KCNK16: variants seen among roughly 807,000 people sequenced by gnomAD.
KCNK16 encodes the protein potassium channel subfamily K member 16.
Under a neutral mutation model 23.0 loss-of-function variants are expected in KCNK16, and 23 were observed. That is an observed-to-expected ratio of 1.00 (90% CI 0.72 to 1.41). The LOEUF (loss-of-function observed/expected upper bound fraction) is 1.41, where lower values mean the gene tolerates loss of function less well. KCNK16 is among the 40% of genes most tolerant of loss of function. The pLI, the probability that KCNK16 is intolerant of heterozygous loss-of-function variation, is 0.00. For missense variants in KCNK16, 327 were observed against 365.8 expected, an observed-to-expected ratio of 0.89 and a Z score of 0.87; for synonymous variants, 145 against 153.5, an observed-to-expected ratio of 0.94 and a Z score of 0.41.
Position 39,317,883 on chromosome 6 carries a change from A to T in KCNK16, c.398T>A (p.Ile133Asn), listed in dbSNP as rs770475707. ...VFCVFYALLG[I>N]PLNVIFLNHL... is the part of the protein sequence containing the mutation. ...GTTGAGGAAGATCACGTTAAGCGGG[A>T]TGCCCAACAGGGCATAGAAGACACA... The change falls in exon 3 of 5, where the codon ATC becomes AAC. Residue 133 changes from isoleucine (I) to asparagine (N), a missense_variant. Ile to Asn is a moderately radical substitution (Grantham distance 149). Coordinates refer to ENST00000437525, the MANE Select transcript of KCNK16 (RefSeq NM_001135106.2). 6.2e-7 allele frequency: 1 copy of T among 1,613,876 alleles called. No homozygotes were observed. The highest frequency in any genetic ancestry group is 8.5e-7 in the Non-Finnish European group (1 of 1,179,908).
At chr6:39,316,619 T>C (rs1291343455) in intron 4 of KCNK16, among the ~76,000 whole-genome samples, 163 bp downstream of exon 4, 1 of 152,204 alleles carries the variant, frequency 6.6e-6, no homozygotes, top group Non-Finnish European at 1.5e-5. Context: ...CTTCTGAGAA[T>C]GTTGCTTAGA....
chr6:39,321,229 G>A (rs1224463805), intron 1 of KCNK16, among the ~76,000 whole-genome samples: 1 of 152,032 alleles, frequency 6.6e-6, no homozygotes, highest in Non-Finnish European at 1.5e-5. Flanking sequence ...TTCTGGTCCC[G>A]GGACTACACT....
At chr6:39,320,254 G>A (rs1762466736) in intron 1 of KCNK16, among the ~76,000 whole-genome samples, 2 of 152,246 alleles carry the variant, frequency 1.3e-5, no homozygotes, top group African/African-American at 4.8e-5. Flanking sequence ...CTCTTAAGAT[G>A]TGGACTTTGG....
In KCNK16 at chr6:39,322,478, A is replaced by G; in HGVS notation, c.63T>C (p.Tyr21=). 1.2e-6 allele frequency: 2 copies of G among 1,613,748 alleles called. No homozygotes were observed. The highest frequency in any genetic ancestry group is 1.7e-6 in the Non-Finnish European group (2 of 1,179,978). Residue 21 remains tyrosine, a synonymous_variant, in exon 1 of 5, where the codon TAT becomes TAC. Transcript: ENST00000437525. The part of the protein sequence containing the change: ...GGRVLPLLLA[Y]VCYLLLGATI... ...TGGCACCGAGCAGCAGGTAGCAGACATAGGCCAGCAGCAGGGGCAGCACCC... is the reference window on the plus strand; with the variant it reads ...TGGCACCGAGCAGCAGGTAGCAGACGTAGGCCAGCAGCAGGGGCAGCACCC...
rs1762548997 is a variant in KCNK16, at chr6:39,322,449, A to G, written c.92T>C (p.Ile31Thr). The G allele has an allele frequency of 6.2e-7, 1 of 1,614,150 alleles. No individual in the cohort carries two copies. Among genetic ancestry groups the G allele is most frequent in the African/African-American group, 1.3e-5 (1 of 75,078 alleles). ...YVCYLLLGAT[I>T]FQLLERQAEA... is the part of the protein sequence containing the mutation. ...CGCCTGCCTCTCTAGCAGCTGGAAG[A>G]TAGTGGCACCGAGCAGCAGGTAGCA... is the stretch of plus-strand genomic sequence containing the variant. Residue 31 changes from isoleucine to threonine, a missense_variant, in exon 1 of 5, where the codon ATC becomes ACC. Physicochemically the swap from Ile to Thr is moderately conservative, Grantham distance 89. Coordinates refer to ENST00000437525, the MANE Select transcript of KCNK16 (RefSeq NM_001135106.2).
intron 1 of KCNK16, among the ~76,000 whole-genome samples, chr6:39,321,239 T>C (rs1583790826): frequency 6.6e-6 from 1 of 152,174 alleles, no homozygotes; most frequent in East Asian, 1.9e-4. Context: ...GGGACTACAC[T>C]TTGAGAACTG....
At chr6:39,315,147 G>C (rs1448893379), downstream of KCNK16, 1 of 1,614,240 alleles carries the variant, frequency 6.2e-7, no homozygotes, top group Admixed American at 1.7e-5. Context: ...GAGGAACCCA[G>C]CCACATAGGA....
intron 1 of KCNK16, among the ~76,000 whole-genome samples, chr6:39,322,033 T>G (rs777517381): frequency 6.6e-6 from 1 of 152,240 alleles, no homozygotes; most frequent in Non-Finnish European, 1.5e-5. Context: ...TAGAGAGTGC[T>G]TTTAATCTGC....
downstream of KCNK16, among the ~76,000 whole-genome samples, chr6:39,315,747 C>T (rs1562087524): frequency 6.6e-6 from 1 of 152,174 alleles, no homozygotes; most frequent in South Asian, 2.1e-4. Flanking sequence ...CTTTGCTTGC[C>T]TAGCAACTAA....
At chr6:39,315,317 C>T, downstream of KCNK16, 1 of 1,554,006 alleles carries the variant, frequency 6.4e-7, no homozygotes. Context: ...GTTCATGGAG[C>T]TCACTTTCTG....
intron 3 of KCNK16, among the ~76,000 whole-genome samples, chr6:39,317,272 C>G (rs1269331061): frequency 6.6e-6 from 1 of 152,190 alleles, no homozygotes; most frequent in Non-Finnish European, 1.5e-5. Context: ...GTATTTCTGG[C>G]CTTGCAAGTG....
In KCNK16 at chr6:39,317,997, G is replaced by T. The variant is rs373601894; in HGVS notation, c.329-45C>A. 53 of 1,529,300 alleles carry T rather than the reference G, an allele frequency of 3.5e-5. No homozygotes were observed. In the South Asian group the frequency reaches 6.1e-4, roughly 18 times the overall value. The allele number at this position is 1,529,300 out of a possible 1,614,324, so 94.7% of individuals were successfully genotyped here. On this transcript the variant is annotated intron_variant, in intron 2 of 4. Transcript: ENST00000437525. ...TGTGCAAATATGGAGACTCTAGAAC[G>T]CCCTCTGCTCCTCTTCCCCAGACTC...
At chr6:39,315,283 A>G (rs1169672475), downstream of KCNK16, 5 of 1,575,474 alleles carry the variant, frequency 3.2e-6, no homozygotes, top group Middle Eastern at 1.7e-4. Context: ...GACCTGGAGA[A>G]TGCATTCCTG....
chr6:39,320,017 T>C (rs1359508286), intron 1 of KCNK16, among the ~76,000 whole-genome samples: 1 of 152,078 alleles, frequency 6.6e-6, no homozygotes, highest in Non-Finnish European at 1.5e-5. Context: ...TCCTCTTTAA[T>C]TGTGGACTGT....
At chr6:39,317,237 A>G (rs111683384) in intron 3 of KCNK16, among the ~76,000 whole-genome samples, 1 of 152,242 alleles carries the variant, frequency 6.6e-6, no homozygotes, top group Non-Finnish European at 1.5e-5. Flanking sequence ...GATCTGGAAC[A>G]GAAAAGTATC....
chr6:39,322,744 A>G, upstream of KCNK16: 1 of 728,968 alleles, frequency 1.4e-6, no homozygotes, highest in African/African-American at 1.8e-5. Flanking sequence ...GTGAGTGCAA[A>G]CAGGCCGGCC....
rs2113859320 is a variant in KCNK16, at chr6:39,322,482, G to A, written c.59C>T (p.Ala20Val). ...ACCGAGCAGCAGGTAGCAGACATAGGCCAGCAGCAGGGGCAGCACCCGGCC... is the reference window on the plus strand; with the variant it reads ...ACCGAGCAGCAGGTAGCAGACATAGACCAGCAGCAGGGGCAGCACCCGGCC... ...WGGRVLPLLL[A>V]YVCYLLLGAT... Residue 20 changes from alanine to valine, a missense_variant, in exon 1 of 5, where the codon GCC (alanine) becomes GTC (valine). Transcript: ENST00000437525. 6.2e-7 allele frequency: 1 copy of A among 1,613,434 alleles called. No individual in the cohort carries two copies. Among genetic ancestry groups the A allele is most frequent in the East Asian group, 2.2e-5 (1 of 44,880 alleles).
Position 39,317,894 on chromosome 6 carries a change from G to A in KCNK16, c.387C>T (p.Ala129=), listed in dbSNP as rs762162023. Residue 129 remains alanine (A), a synonymous_variant, in exon 3 of 5, where the codon GCC becomes GCT. Transcript: ENST00000437525. The stretch of plus-strand genomic sequence containing the variant: ...TCACGTTAAGCGGGATGCCCAACAG[G>A]GCATAGAAGACACAGAAGACCTGAC... ...EAGQVFCVFY[A]LLGIPLNVIF... 6.2e-7 allele frequency: 1 copy of A among 1,613,668 alleles called. No individual in the cohort carries two copies. Among genetic ancestry groups the A allele is most frequent in the Non-Finnish European group, 8.5e-7 (1 of 1,179,804 alleles).
At chr6:39,316,704 C>T in intron 4 of KCNK16, 78 bp downstream of exon 4, 1 of 1,506,924 alleles carries the variant, frequency 6.6e-7, no homozygotes. Flanking sequence ...CAATAGTTGT[C>T]CTCAGCTGAC....
Sources: allele counts gnomAD v4.1 joint callset (sites outside exome capture counted in the v4.1 genomes callset), GRCh38; gene constraint gnomAD v4.1.1; transcripts MANE v1.5; gene names NCBI Gene and HGNC (gene_info 2026-07-23, HGNC 2026-07-21).